SEMA5B: variants seen among roughly 807,000 people sequenced by gnomAD.
SEMA5B encodes the protein semaphorin 5B, also known as semaphorin-5B.
SEMA5B carries 66 observed loss-of-function variants against 135.0 expected under a neutral mutation model. That is an observed-to-expected ratio of 0.49 (90% CI 0.40 to 0.60). The LOEUF is 0.60. SEMA5B is among the 20% of genes least tolerant of loss of function. The pLI is 0.00. For missense variants in SEMA5B, 1,501 were observed against 1,566.3 expected (o/e 0.96, Z 0.70); for synonymous variants, 690 against 639.5 (o/e 1.08, Z -1.19).
chr3:122,951,079 A>G (rs1940025967), intron 2 of SEMA5B, among the ~76,000 whole-genome samples: 1 of 152,164 alleles, frequency 6.6e-6, no homozygotes. Context: ...GACCACAGGC[A>G]TGCACCATCA....
At chr3:123,018,938 G>A (rs1227520145) in intron 1 of SEMA5B, among the ~76,000 whole-genome samples, 1 of 152,192 alleles carries the variant, frequency 6.6e-6, no homozygotes, top group Admixed American at 6.5e-5. Flanking sequence ...TGAGGAGCAA[G>A]AAAAGTTTTC....
rs147624236 is a variant in SEMA5B, at chr3:122,948,609, T to G, written c.225A>C (p.Thr75=). 1 of 1,613,960 alleles carries G rather than the reference T, an allele frequency of 6.2e-7. No individual in the cohort carries two copies. The highest frequency in any genetic ancestry group is 8.5e-7 in the Non-Finnish European group (1 of 1,179,940). ...LAVSLLLPSL[T]LLVSHLSSSQ... is the part of the protein sequence containing the mutation. Reference sequence around the variant, plus strand: ...AGCTGGAGAGGTGGGACACCAGCAGTGTGAGGCTGGGCAGCAACAGCGAGA... The same window carrying G: ...AGCTGGAGAGGTGGGACACCAGCAGGGTGAGGCTGGGCAGCAACAGCGAGA... The change falls in exon 3 of 23, where the codon ACA becomes ACC. Residue 75 remains threonine (T), a synonymous_variant. Transcript: ENST00000357599.
intron 1 of SEMA5B, among the ~76,000 whole-genome samples, chr3:122,987,002 T>G: frequency 6.6e-6 from 1 of 152,114 alleles, no homozygotes; most frequent in East Asian, 1.9e-4. Flanking sequence ...GGCTGTTTTC[T>G]CAGGCTGCAT....
upstream of SEMA5B, chr3:123,027,775 G>C (rs1204772699): frequency 6.6e-6 from 1 of 152,380 alleles, no homozygotes; most frequent in Non-Finnish European, 1.5e-5. Context: ...AGGAGACCGC[G>C]GGAGCAGAAG....
intron 14 of SEMA5B, 126 bp from the exon 15 acceptor site, chr3:122,914,127 T>A: frequency 9.3e-7 from 1 of 1,080,064 alleles, no homozygotes; most frequent in South Asian, 1.9e-5. Context: ...CATAGAAATA[T>A]CTTCTCCTAA....
chr3:122,974,085 A>G (rs772063914), intron 1 of SEMA5B, among the ~76,000 whole-genome samples: 1 of 152,038 alleles, frequency 6.6e-6, no homozygotes, highest in African/African-American at 2.4e-5. Context: ...GGGGAGAGAG[A>G]GCCCAGGCAC....
intron 1 of SEMA5B, among the ~76,000 whole-genome samples, chr3:123,008,287 A>G (rs1351107014): frequency 6.6e-6 from 1 of 152,206 alleles, no homozygotes; most frequent in African/African-American, 2.4e-5. Flanking sequence ...TAAACTGAGA[A>G]TCGAACACTG....
rs776382126 is a variant in SEMA5B, at chr3:122,913,265, A to ACTGCAG, written c.2434_2439dup (p.Leu812_Gln813dup). 6.3e-7 allele frequency: 1 copy of ACTGCAG among 1,585,366 alleles called. No homozygotes were observed. Among genetic ancestry groups the ACTGCAG allele is most frequent in the South Asian group, 1.1e-5 (1 of 88,310 alleles). On this transcript the variant is annotated inframe_insertion, in exon 17 of 23. Transcript: ENST00000357599. The stretch of plus-strand genomic sequence containing the variant: ...CTCGTCTCGGTCCTTCTCCTGCCGA[A>ACTGCAG]CTGCAGGCCGTGCGGGTCTGCAAGG...
chr3:122,995,109 C>A (rs1941994681), intron 1 of SEMA5B, among the ~76,000 whole-genome samples: 1 of 152,130 alleles, frequency 6.6e-6, no homozygotes, highest in Non-Finnish European at 1.5e-5. Flanking sequence ...AGAACGTAAC[C>A]CAGGGCAAGC....
chr3:122,929,099 G>C (rs1938811955), intron 5 of SEMA5B, 41 bp from the exon 6 acceptor site: 1 of 1,588,122 alleles, frequency 6.3e-7, no homozygotes, highest in Admixed American at 1.7e-5. Flanking sequence ...TCACATGGCT[G>C]TGTCATTTAC....
intron 15 of SEMA5B, 56 bp from the exon 16 acceptor site, chr3:122,913,737 A>G (rs1489473711): frequency 2.5e-6 from 4 of 1,598,860 alleles, no homozygotes; most frequent in Non-Finnish European, 3.4e-6. Context: ...CCCTGACGAG[A>G]GGTCCCTGGG....
intron 1 of SEMA5B, among the ~76,000 whole-genome samples, chr3:122,973,204 G>C (rs1035881688): frequency 6.6e-6 from 1 of 152,216 alleles, no homozygotes; most frequent in Admixed American, 6.5e-5. Flanking sequence ...CTGAGCCCCT[G>C]ACTCCAGCCT....
chr3:122,971,870 C>T (rs1387040809), intron 1 of SEMA5B, among the ~76,000 whole-genome samples: 1 of 152,274 alleles, frequency 6.6e-6, no homozygotes, highest in East Asian at 1.9e-4. Context: ...CCGTGTTCTG[C>T]ATCCTTGGGC....
intron 1 of SEMA5B, among the ~76,000 whole-genome samples, chr3:122,992,438 G>A (rs377404566): frequency 4.6e-5 from 7 of 152,324 alleles, no homozygotes; most frequent in East Asian, 1.9e-4. Flanking sequence ...GAGTACAAGT[G>A]AAAGCCTGGA....
At chr3:122,916,169 C>T (rs774465731) in intron 12 of SEMA5B, among the ~76,000 whole-genome samples, 3 of 152,206 alleles carry the variant, frequency 2.0e-5, no homozygotes, top group Non-Finnish European at 4.4e-5. Context: ...GACTCAAACC[C>T]TCATCCTCCA....
At chr3:122,961,985 G>A (rs1029677567) in intron 1 of SEMA5B, among the ~76,000 whole-genome samples, 43 of 152,042 alleles carry the variant, frequency 2.8e-4, no homozygotes, top group African/African-American at 1.0e-3. Context: ...CCCTTCTTCC[G>A]CTGTTGCCTC....
intron 1 of SEMA5B, among the ~76,000 whole-genome samples, chr3:122,994,726 T>C (rs1187704339): frequency 1.3e-5 from 2 of 152,182 alleles, no homozygotes; most frequent in Admixed American, 6.5e-5. Flanking sequence ...AATGTATCAA[T>C]TGTGTGACCT....
intron 2 of SEMA5B, among the ~76,000 whole-genome samples, chr3:122,952,843 C>G (rs557373205): frequency 5.3e-5 from 8 of 152,134 alleles, no homozygotes; most frequent in Non-Finnish European, 8.8e-5. Flanking sequence ...AGCTGCATCC[C>G]TCAACAGACC....
At chr3:122,983,966 AAGGGC>A (rs1941616304) in intron 1 of SEMA5B, among the ~76,000 whole-genome samples, 1 of 152,224 alleles carries the variant, frequency 6.6e-6, no homozygotes, top group East Asian at 1.9e-4. Context: ...AGAAAGAAGC[AAGGGC>A]AGGTCATTCC....
Sources: gnomAD v4.1 joint callset for allele counts (sites outside exome capture counted in the v4.1 genomes callset) on GRCh38, gnomAD v4.1.1 for gene constraint, MANE v1.5 for transcripts, NCBI Gene and HGNC (gene_info 2026-07-23, HGNC 2026-07-21) for gene names.